Variants in GBE1 observed in about 807,000 individuals in gnomAD.
The protein encoded by GBE1 is 1,4-alpha-glucan-branching enzyme.
GBE1 carries 70 observed loss-of-function variants against 88.8 expected under a neutral mutation model. That is an observed-to-expected ratio of 0.79 (90% CI 0.65 to 0.96). The LOEUF (loss-of-function observed/expected upper bound fraction) is 0.96. GBE1 is among the 40% of genes least tolerant of loss of function. The pLI is 0.00. For missense variants in GBE1, 872 were observed against 871.0 expected (o/e 1.00, Z -0.01); for synonymous variants, 284 against 300.1 (o/e 0.95, Z 0.56).
chr3:81,527,583 A>C (rs1397947323), intron 14 of GBE1, among the ~76,000 whole-genome samples: 2 of 152,192 alleles, frequency 1.3e-5, no homozygotes, highest in Non-Finnish European at 2.9e-5. Flanking sequence ...TCTCAAAAGA[A>C]GACATTTATG....
chr3:81,689,204 A>G (rs929556851), intron 2 of GBE1, among the ~76,000 whole-genome samples: 7 of 152,342 alleles, frequency 4.6e-5, no homozygotes, highest in African/African-American at 1.7e-4. Flanking sequence ...ACTCTATGTC[A>G]TGCTGATACA....
chr3:81,742,587 C>A (rs1254964154), intron 1 of GBE1, among the ~76,000 whole-genome samples: 1 of 152,020 alleles, frequency 6.6e-6, no homozygotes, highest in Non-Finnish European at 1.5e-5. Context: ...TTAGGAAATC[C>A]ACATCGAATT....
At chr3:81,698,070 A>G (rs983595228) in intron 2 of GBE1, among the ~76,000 whole-genome samples, 5 of 147,598 alleles carry the variant, frequency 3.4e-5, no homozygotes, top group East Asian at 1.9e-4. Context: ...ATATGTGTAT[A>G]TATATATATA....
At chr3:81,654,625 T>G (rs1008811471) in intron 3 of GBE1, 1 of 152,140 alleles carries the variant, frequency 6.6e-6, no homozygotes. Context: ...TATCTCCTAA[T>G]GTTGTGAGGA....
intron 7 of GBE1, among the ~76,000 whole-genome samples, chr3:81,637,409 C>T (rs531402406): frequency 5.3e-5 from 8 of 152,190 alleles, no homozygotes; most frequent in South Asian, 2.1e-4. Context: ...TAAATGGGGG[C>T]GCCTACTGTT....
At chr3:81,635,171 T>C (rs751770908) in intron 7 of GBE1, among the ~76,000 whole-genome samples, 2 of 152,266 alleles carry the variant, frequency 1.3e-5, no homozygotes, top group Non-Finnish European at 2.9e-5. Context: ...CAGGTAAAAG[T>C]CTAATCTTGG....
chr3:81,673,719 T>C (rs1455579267), intron 2 of GBE1, among the ~76,000 whole-genome samples: 1 of 151,986 alleles, frequency 6.6e-6, no homozygotes, highest in African/African-American at 2.4e-5. Flanking sequence ...TCTTTTATAA[T>C]AGTTTAATTA....
chr3:81,671,688 A>G (rs900799427), intron 2 of GBE1, among the ~76,000 whole-genome samples: 1 of 152,150 alleles, frequency 6.6e-6, no homozygotes, highest in Non-Finnish European at 1.5e-5. Context: ...ATACTTATAC[A>G]TGATAGGCAG....
intron 7 of GBE1, among the ~76,000 whole-genome samples, chr3:81,620,664 G>A (rs1381622384): frequency 1.3e-5 from 2 of 152,024 alleles, no homozygotes; most frequent in Non-Finnish European, 2.9e-5. Context: ...AAAATGGGGA[G>A]GGTTTTTATT....
intron 14 of GBE1, among the ~76,000 whole-genome samples, chr3:81,533,455 G>A (rs1703035375): frequency 6.6e-6 from 1 of 152,084 alleles, no homozygotes; most frequent in African/African-American, 2.4e-5. Context: ...ATGCTCTGAT[G>A]TTATGTGGAA....
intron 1 of GBE1, among the ~76,000 whole-genome samples, chr3:81,755,910 T>G (rs1303916232): frequency 6.6e-6 from 1 of 152,054 alleles, no homozygotes; most frequent in African/African-American, 2.4e-5. Flanking sequence ...AAATGGTGAA[T>G]TATATATGTA....
intron 3 of GBE1, among the ~76,000 whole-genome samples, chr3:81,664,083 CAG>C (rs929805594): frequency 3.3e-5 from 5 of 151,920 alleles, no homozygotes; most frequent in African/African-American, 1.2e-4. Context: ...TTTTTATAAG[CAG>C]AGTTTATTAC....
chr3:81,636,534 C>CTT (rs398062518), intron 7 of GBE1, among the ~76,000 whole-genome samples: 5 of 140,206 alleles, frequency 3.6e-5, no homozygotes, highest in African/African-American at 1.3e-4. Flanking sequence ...TGTTTTTTGG[C>CTT]TTTTTTTTTT....
At chr3:81,513,565 C>T (rs1702753515) in intron 14 of GBE1, among the ~76,000 whole-genome samples, 3 of 149,848 alleles carry the variant, frequency 2.0e-5, no homozygotes, top group Non-Finnish European at 4.5e-5. Context: ...TGTTTTGTTC[C>T]CCCAAAAAAA....
chr3:81,735,430 C>T (rs1575770851), intron 1 of GBE1, among the ~76,000 whole-genome samples: 2 of 152,158 alleles, frequency 1.3e-5, no homozygotes, highest in East Asian at 3.9e-4. Context: ...CCTCACTCCA[C>T]AAGGGGTCAA....
At chr3:81,626,188 A>G (rs1025076994) in intron 7 of GBE1, among the ~76,000 whole-genome samples, 2 of 152,188 alleles carry the variant, frequency 1.3e-5, no homozygotes, top group Non-Finnish European at 2.9e-5. Context: ...TCATCCACTC[A>G]CTAGCTCAAG....
chr3:81,631,064 C>T (rs985769317), intron 7 of GBE1, among the ~76,000 whole-genome samples: 4 of 151,916 alleles, frequency 2.6e-5, no homozygotes, highest in African/African-American at 9.7e-5. Flanking sequence ...ATTAGCCAGG[C>T]ATGGTGGCAT....
chr3:81,758,395 G>C (rs1706632328), intron 1 of GBE1, among the ~76,000 whole-genome samples: 1 of 152,368 alleles, frequency 6.6e-6, no homozygotes, highest in Non-Finnish European at 1.5e-5. Context: ...CGTATCAGCA[G>C]AATGGACTCA....
chr3:81,680,185 G>A (rs1705317250), intron 2 of GBE1, among the ~76,000 whole-genome samples: 1 of 152,138 alleles, frequency 6.6e-6, no homozygotes, highest in Non-Finnish European at 1.5e-5. Context: ...ACCATGACAA[G>A]TGAGTTTGAA....
Sources: allele counts gnomAD v4.1 joint callset (sites outside exome capture counted in the v4.1 genomes callset), GRCh38; gene constraint gnomAD v4.1.1; transcripts MANE v1.5; gene names NCBI Gene and HGNC (gene_info 2026-07-23, HGNC 2026-07-21).